The following SGCZ variants were observed in gnomAD, a reference collection of about 807,000 sequenced individuals.
SGCZ encodes the protein sarcoglycan zeta, also known as zeta-sarcoglycan.
SGCZ carries 40 observed loss-of-function variants against 41.3 expected under a neutral mutation model. That is an observed-to-expected ratio of 0.97 (90% CI 0.75 to 1.26). The LOEUF is 1.26. Ranked by LOEUF, SGCZ falls within the 50% of genes most tolerant of loss-of-function variation. The pLI, the probability that SGCZ is intolerant of heterozygous loss-of-function variation, is 0.00. For synonymous variants in SGCZ, 206 were observed against 137.5 expected (o/e 1.50, Z -3.49); for missense variants, 552 against 369.8 (o/e 1.49, Z -4.04).
chr8:15,236,143 A>C (rs370645058), intron 1 of SGCZ, among the ~76,000 whole-genome samples: 24 of 152,264 alleles, frequency 1.6e-4, no homozygotes, highest in African/African-American at 5.1e-4. Flanking sequence ...CTTCGGTGGA[A>C]GTGGTGTTCT....
rs532893279 is a variant in SGCZ, at chr8:14,792,794, C to T, written c.40-237868G>A. Among the ~76,000 whole-genome samples the T allele has an allele frequency of 5.3e-5, 8 of 152,130 alleles. No homozygotes were observed. In the East Asian group the frequency reaches 1.6e-3, roughly 30 times the overall value. ...CTCTCACTGACCACTTTTCCATACC[C>T]TTCTGTTGCTTCTCATCCTCTTCTT... On this transcript the variant is annotated intron_variant, in intron 1 of 7. Transcript: ENST00000382080.
At chr8:14,129,324 T>A (rs1419097990) in intron 5 of SGCZ, among the ~76,000 whole-genome samples, 27 of 116,502 alleles carry the variant, frequency 2.3e-4, no homozygotes, top group African/African-American at 8.7e-4. Context: ...CCAGCCTGGG[T>A]GACAGAGCGA....
intron 2 of SGCZ, among the ~76,000 whole-genome samples, chr8:14,366,975 C>T (rs1803731549): frequency 6.6e-6 from 1 of 152,112 alleles, no homozygotes; most frequent in Non-Finnish European, 1.5e-5. Context: ...TGCAAATTTC[C>T]ACAGAGGGCT....
At chr8:14,142,853 G>T (rs961304877) in intron 5 of SGCZ, among the ~76,000 whole-genome samples, 15 of 151,934 alleles carry the variant, frequency 9.9e-5, no homozygotes, top group Non-Finnish European at 7.4e-5. Context: ...TCTTCCTCCT[G>T]CCCCAGCCAT....
intron 1 of SGCZ, among the ~76,000 whole-genome samples, chr8:14,616,680 G>T (rs558991152): frequency 6.6e-6 from 1 of 152,210 alleles, no homozygotes; most frequent in South Asian, 2.1e-4. Flanking sequence ...GAGTATGTTA[G>T]TCAACTGATT....
chr8:15,041,745 A>G (rs926219000), intron 1 of SGCZ, among the ~76,000 whole-genome samples: 1 of 152,156 alleles, frequency 6.6e-6, no homozygotes, highest in African/African-American at 2.4e-5. Flanking sequence ...TCAGATTGGG[A>G]AAGACTTTTT....
chr8:14,946,030 A>G (rs1163105811), intron 1 of SGCZ, among the ~76,000 whole-genome samples: 1 of 106,508 alleles, frequency 9.4e-6, no homozygotes, highest in Non-Finnish European at 1.9e-5. Context: ...ATATATATAT[A>G]TATATATATA....
At chr8:14,760,454 C>A (rs1032908182) in intron 1 of SGCZ, among the ~76,000 whole-genome samples, 1 of 152,134 alleles carries the variant, frequency 6.6e-6, no homozygotes, top group African/African-American at 2.4e-5. Flanking sequence ...AAATATATAT[C>A]TTTAAATTCG....
intron 1 of SGCZ, among the ~76,000 whole-genome samples, chr8:14,816,708 C>A (rs1202458094): frequency 6.6e-6 from 1 of 152,150 alleles, no homozygotes; most frequent in African/African-American, 2.4e-5. Flanking sequence ...AAGTCTCCAA[C>A]AGAAGAAGTA....
At chr8:14,434,211 T>C (rs1247769499) in intron 2 of SGCZ, among the ~76,000 whole-genome samples, 2 of 152,202 alleles carry the variant, frequency 1.3e-5, no homozygotes, top group South Asian at 2.1e-4. Flanking sequence ...CCAGCACCAT[T>C]TGTTGAATAG....
intron 1 of SGCZ, among the ~76,000 whole-genome samples, chr8:14,880,895 GT>G (rs564940044): frequency 1.3e-5 from 2 of 151,964 alleles, no homozygotes; most frequent in Admixed American, 1.3e-4. Flanking sequence ...CATGGCACAT[GT>G]ATACATATGT....
intron 5 of SGCZ, among the ~76,000 whole-genome samples, chr8:14,118,536 C>A (rs904282870): frequency 2.0e-5 from 3 of 152,114 alleles, no homozygotes; most frequent in Admixed American, 2.0e-4. Flanking sequence ...ATGATAGTTT[C>A]TTTTGCTATG....
chr8:14,784,909 A>AT (rs1800707709), intron 1 of SGCZ, among the ~76,000 whole-genome samples: 1 of 83,632 alleles, frequency 1.2e-5, no homozygotes, highest in South Asian at 4.0e-4. Flanking sequence ...CCTCAAAAAA[A>AT]AAAAATATAT....
At position 14,511,764 on chromosome 8, in the gene SGCZ, G is replaced by T. The variant is rs538494165; in HGVS notation, c.234+42968C>A. 1.6e-3 allele frequency among the ~76,000 whole-genome samples: 248 copies of T among 152,182 alleles called. 1 individual carries two copies. The highest frequency in any genetic ancestry group is 5.6e-3 in the African/African-American group (232 of 41,534). ...TGTTAAGTATGATTGTATAGCCAAA[G>T]TTACTGTAGTTCCCAAATTCCCCAC... On this transcript the variant is annotated intron_variant, in intron 2 of 7. Coordinates refer to ENST00000382080, the MANE Select transcript of SGCZ (RefSeq NM_139167.4).
chr8:14,160,526 T>G (rs547723287), intron 5 of SGCZ, among the ~76,000 whole-genome samples: 2 of 152,288 alleles, frequency 1.3e-5, no homozygotes, highest in East Asian at 3.9e-4. Flanking sequence ...AGTATAAAAC[T>G]CCTATATATT....
intron 1 of SGCZ, among the ~76,000 whole-genome samples, chr8:15,126,049 G>A (rs1036171492): frequency 1.3e-5 from 2 of 152,190 alleles, no homozygotes; most frequent in Admixed American, 6.5e-5. Context: ...GGGAGGCCAA[G>A]GCAGGAAAAT....
Position 14,149,007 on chromosome 8 carries a change from A to C in SGCZ, c.547+15573T>G, listed in dbSNP as rs924020516. The stretch of plus-strand genomic sequence containing the variant: ...ACATCTCTTCATGATAAAAACCCCC[A>C]AAAACCTGGGTATAGAAGGAACATA... On this transcript the variant is annotated intron_variant, in intron 5 of 7. Transcript: ENST00000382080. Among the ~76,000 whole-genome samples, 71 of 152,262 alleles carry C rather than the reference A, an allele frequency of 4.7e-4. 1 individual carries two copies. Among genetic ancestry groups the C allele is most frequent in the African/African-American group, 1.6e-3 (66 of 41,574 alleles).
chr8:14,135,918 A>G (rs1045636276), intron 5 of SGCZ, among the ~76,000 whole-genome samples: 1 of 152,214 alleles, frequency 6.6e-6, no homozygotes, highest in African/African-American at 2.4e-5. Flanking sequence ...AGGAGTTAGC[A>G]CCAATTTTAC....
intron 5 of SGCZ, among the ~76,000 whole-genome samples, chr8:14,141,448 A>C (rs886193509): frequency 6.6e-6 from 1 of 152,234 alleles, no homozygotes; most frequent in Admixed American, 6.5e-5. Context: ...CAGAATCTAC[A>C]AAGAACTTAA....
Sources: allele counts gnomAD v4.1 joint callset (sites outside exome capture counted in the v4.1 genomes callset), GRCh38; gene constraint gnomAD v4.1.1; transcripts MANE v1.5; gene names NCBI Gene and HGNC (gene_info 2026-07-23, HGNC 2026-07-21).